The following MEIS3 variants were observed in gnomAD, a reference collection of about 807,000 sequenced individuals.
MEIS3 encodes the protein homeobox protein Meis3.
A neutral mutation model predicts 51.4 loss-of-function variants in MEIS3; 38 were observed. The ratio of observed to expected loss-of-function variants is 0.74; its 90% CI spans 0.57 to 0.97. MEIS3 has a LOEUF of 0.97. Among genes scored for constraint, MEIS3 ranks in the 50% least tolerant of loss-of-function variants. The pLI is 0.00. For synonymous variants in MEIS3, 198 were observed against 201.8 expected (o/e 0.98, Z 0.16); for missense variants, 456 against 502.6 (o/e 0.91, Z 0.89).
rs1239356471 is a variant in MEIS3, at chr19:47,413,918, G to GTATT, written c.597+798_597+799insAATA. 1.3e-5 allele frequency among the ~76,000 whole-genome samples: 2 copies of GTATT among 150,146 alleles called. 1 individual carries two copies. The highest frequency in any genetic ancestry group is 3.0e-5 in the Non-Finnish European group (2 of 67,662). ...AATTTTTTTTTTTTTTGTATTTTTA[G>GTATT]TAGAGACGGGGTTTCACCGTGTTAG... is the stretch of plus-strand genomic sequence containing the variant. On this transcript the variant is annotated intron_variant, in intron 6 of 12. Transcript: ENST00000558555.
At chr19:47,403,672 C>T (rs971440813) in intron 12 of MEIS3, 119 bp from the exon 13 acceptor site, 14 of 328,510 alleles carry the variant, frequency 4.3e-5, no homozygotes, top group South Asian at 1.6e-4. Context: ...GAGTGGCTGG[C>T]GGGGAATGGC....
chr19:47,404,727 C>A (rs568319774), intron 12 of MEIS3, among the ~76,000 whole-genome samples: 2 of 152,354 alleles, frequency 1.3e-5, no homozygotes, highest in East Asian at 1.9e-4. Context: ...TCTCTAAACA[C>A]CTCCCCCCAT....
intron 6 of MEIS3, among the ~76,000 whole-genome samples, chr19:47,411,069 T>C (rs907940911): frequency 1.3e-5 from 2 of 152,156 alleles, no homozygotes; most frequent in African/African-American, 4.8e-5. Flanking sequence ...CCCGAGTAGC[T>C]GGGATTACAG....
upstream of MEIS3, among the ~76,000 whole-genome samples, chr19:47,422,153 G>A (rs1410824762): frequency 1.3e-5 from 2 of 151,424 alleles, no homozygotes; most frequent in East Asian, 3.9e-4. Context: ...AATGCCTGCC[G>A]CCCCCTTCCC....
At chr19:47,421,628 G>C, upstream of MEIS3, among the ~76,000 whole-genome samples, 1 of 151,932 alleles carries the variant, frequency 6.6e-6, no homozygotes, top group Non-Finnish European at 1.5e-5. Flanking sequence ...CTGTGTCTCT[G>C]CTCAGGAGGG....
rs755909673 is a variant in MEIS3 at position 47,416,791 on chromosome 19, G to A, written c.345+13C>T. On this transcript the variant is annotated intron_variant, in intron 3 of 12. Transcript: ENST00000558555. Reference sequence around the variant, plus strand: ...CTCTCTGACTCGGTGTGTGGTGGGTGGGAGGTGCCCACCTGCTTGGCAAAG... The same window carrying A: ...CTCTCTGACTCGGTGTGTGGTGGGTAGGAGGTGCCCACCTGCTTGGCAAAG... 3.7e-6 allele frequency: 6 copies of A among 1,613,194 alleles called. No homozygotes were observed. The highest frequency in any genetic ancestry group is 1.1e-5 in the South Asian group (1 of 91,074).
intron 8 of MEIS3, 118 bp downstream of exon 8, chr19:47,408,981 C>T (rs79375233): frequency 3.7e-5 from 46 of 1,236,784 alleles, no homozygotes; most frequent in Middle Eastern, 2.9e-4. Context: ...ATGAGAGTCT[C>T]GAAAAATTTC....
chr19:47,421,077 T>C (rs1450180007), upstream of MEIS3, among the ~76,000 whole-genome samples: 2 of 151,786 alleles, frequency 1.3e-5, no homozygotes, highest in African/African-American at 2.4e-5. Flanking sequence ...CCTGTGTCAC[T>C]GCGTCGCGGC....
At chr19:47,409,670 T>G in intron 6 of MEIS3, 123 bp from the exon 7 acceptor site, 1 of 616,082 alleles carries the variant, frequency 1.6e-6, no homozygotes, top group Non-Finnish European at 2.9e-6. Flanking sequence ...AAGACCATCA[T>G]GGCTAACATG....
chr19:47,407,317 C>CCGGGCCGGCCCG (rs776483355), intron 9 of MEIS3, 35 bp downstream of exon 9: 13 of 1,601,912 alleles, frequency 8.1e-6, no homozygotes, highest in Non-Finnish European at 2.6e-6. Context: ...GGCTCTCGCC[C>CCGGGCCGGCCCG]CGGGCCGGCC....
chr19:47,414,418 G>T (rs574475023), intron 6 of MEIS3, among the ~76,000 whole-genome samples: 1 of 152,266 alleles, frequency 6.6e-6, no homozygotes, highest in South Asian at 2.1e-4. Flanking sequence ...CTGTCTGGCT[G>T]TGAGCAGAAA....
intron 6 of MEIS3, among the ~76,000 whole-genome samples, chr19:47,413,588 C>T (rs1040917397): frequency 2.6e-5 from 4 of 151,860 alleles, no homozygotes; most frequent in Non-Finnish European, 5.9e-5. Context: ...TGCCCCTGTA[C>T]TCTGTATGGA....
Position 47,406,528 on chromosome 19 carries a change from T to C in MEIS3, c.1079-2A>G. The C allele has an allele frequency of 6.2e-7, 1 of 1,613,652 alleles. No homozygotes were observed. ...AGTTCAAACTCATCCCCACTGATCC[T>C]GGAAGACAAAAAAAAAGGAGGGTAA... On this transcript the variant is annotated splice_acceptor_variant, in intron 11 of 12. Coordinates refer to ENST00000558555, the MANE Select transcript of MEIS3 (RefSeq NM_001301059.2). LOFTEE classifies it high-confidence loss of function.
intron 10 of MEIS3, 32 bp downstream of exon 10, chr19:47,407,047 C>T: frequency 1.9e-6 from 3 of 1,599,338 alleles, no homozygotes; most frequent in Non-Finnish European, 2.6e-6. Context: ...CCTAAGAACC[C>T]CAGGCTCTCC....
At position 47,407,517 on chromosome 19, in the gene MEIS3, G is replaced by C. The variant is rs759386856; in HGVS notation, c.859-89C>G. The C allele has an allele frequency of 3.1e-6, 5 of 1,608,000 alleles. No individual in the cohort carries two copies. In the East Asian group the frequency reaches 1.1e-4, roughly 36 times the overall value. On this transcript the variant is annotated intron_variant, in intron 8 of 12. Coordinates refer to ENST00000558555, the MANE Select transcript of MEIS3 (RefSeq NM_001301059.2). ...GGCCCACCGGGGTCCGGGGGATGGG[G>C]AGCCCAGGCCCAGGCAGACGTCTGG...
intron 8 of MEIS3, 50 bp downstream of exon 8, chr19:47,409,049 C>T (rs1396626236): frequency 1.3e-6 from 2 of 1,593,228 alleles, no homozygotes; most frequent in South Asian, 1.1e-5. Flanking sequence ...GTGGTCCACC[C>T]TTCTCCCTCT....
chr19:47,417,914 TC>T (rs71962567), intron 1 of MEIS3: 11,683 of 498,226 alleles, frequency 0.023, 531 homozygotes, highest in East Asian at 0.16. Flanking sequence ...CACACCCAAA[TC>T]CCCCCCCCCA....
intron 1 of MEIS3, 36 bp from the exon 2 acceptor site, chr19:47,417,386 GGGAGGGGTCAGCACCCCGAGAC>G (rs1207829628): frequency 1.2e-6 from 2 of 1,612,176 alleles, no homozygotes; most frequent in African/African-American, 2.7e-5. Flanking sequence ...CGGAGCCCCA[GGGAGGGGTCAGCACCCCGAGAC>G]TCGGCTGAGG....
chr19:47,417,512 T>C (rs1332533052), intron 1 of MEIS3, 162 bp from the exon 2 acceptor site: 3 of 872,142 alleles, frequency 3.4e-6, no homozygotes, highest in Non-Finnish European at 5.6e-6. Flanking sequence ...CTTGAAGCCC[T>C]CCAGGTCCCC....
Sources: allele counts gnomAD v4.1 joint callset (sites outside exome capture counted in the v4.1 genomes callset), GRCh38; gene constraint gnomAD v4.1.1; transcripts MANE v1.5; gene names NCBI Gene and HGNC (gene_info 2026-07-23, HGNC 2026-07-21).